Variants in MED27 observed in about 807,000 individuals in gnomAD.
The protein encoded by MED27 is mediator complex subunit 27, also known as mediator of RNA polymerase II transcription subunit 27.
MED27 carries 30 observed loss-of-function variants against 38.2 expected under a neutral mutation model. That is an observed-to-expected ratio of 0.79 (90% CI 0.59 to 1.07). MED27 has a LOEUF of 1.07. Among genes scored for constraint, MED27 ranks in the 50% least tolerant of loss-of-function variants. The probability of loss-of-function intolerance (pLI) is 0.00; values close to 1 mark genes in which losing one functional copy is unlikely to be tolerated. For missense variants in MED27, 289 were observed against 397.5 expected, an observed-to-expected ratio of 0.73 and a Z score of 2.32; for synonymous variants, 122 against 153.5, an observed-to-expected ratio of 0.79 and a Z score of 1.52.
chr9:132,014,855 T>C (rs959486658), intron 2 of MED27, among the ~76,000 whole-genome samples: 1 of 152,222 alleles, frequency 6.6e-6, no homozygotes, highest in Non-Finnish European at 1.5e-5. Context: ...GCTAACTGTA[T>C]TTTTCAGTAG....
chr9:132,053,903 A>T (rs1002728173), intron 2 of MED27, among the ~76,000 whole-genome samples: 2 of 152,004 alleles, frequency 1.3e-5, no homozygotes, highest in African/African-American at 4.8e-5. Context: ...ATTGGGAAAA[A>T]ATATATATAA....
rs749607968 is a variant in MED27 at position 131,966,383 on chromosome 9, C to CAAAAAAAAAAAAAAAAAA, written c.480-26910_480-26909insTTTTTTTTTTTTTTTTTT. Among the ~76,000 whole-genome samples the CAAAAAAAAAAAAAAAAAA allele has an allele frequency of 3.1e-3, 114 of 36,726 alleles. 14 individuals carry two copies. Among genetic ancestry groups the CAAAAAAAAAAAAAAAAAA allele is most frequent in the Non-Finnish European group, 3.8e-3 (89 of 23,712 alleles). 24.1% of individuals were successfully genotyped at this position (36,726 alleles called of 152,430 possible). A position where few individuals can be genotyped will look rare whatever the true frequency, so the allele number is the denominator to read the frequency against. On this transcript the variant is annotated intron_variant, in intron 3 of 7. Coordinates refer to ENST00000292035, the MANE Select transcript of MED27 (RefSeq NM_004269.4). The stretch of plus-strand genomic sequence containing the variant: ...CAGGCAAAAGAGCCAGACCCTGTCA[C>CAAAAAAAAAAAAAAAAAA]AAAAAAAAAAAAAAAAAGGAAAGGA...
intron 2 of MED27, among the ~76,000 whole-genome samples, chr9:132,015,762 G>A (rs1453431302): frequency 6.6e-6 from 1 of 152,004 alleles, no homozygotes; most frequent in Admixed American, 6.5e-5. Context: ...CTATACTTTT[G>A]TATTTTAGAT....
intron 4 of MED27, among the ~76,000 whole-genome samples, chr9:131,908,250 G>T (rs1262945217): frequency 2.7e-5 from 4 of 148,350 alleles, no homozygotes; most frequent in Non-Finnish European, 4.5e-5. Context: ...CCGGGAGGGA[G>T]GTGGGGGGGT....
chr9:132,058,054 T>G (rs1472573512), intron 2 of MED27, among the ~76,000 whole-genome samples: 1 of 152,252 alleles, frequency 6.6e-6, no homozygotes, highest in African/African-American at 2.4e-5. Flanking sequence ...AATCCTATTT[T>G]TTTAAAGTTA....
intron 4 of MED27, among the ~76,000 whole-genome samples, chr9:131,925,522 T>C (rs961225750): frequency 6.6e-6 from 1 of 152,188 alleles, no homozygotes; most frequent in Non-Finnish European, 1.5e-5. Flanking sequence ...ATTCTGATAA[T>C]GGAATATTTC....
chr9:132,033,504 C>T (rs1347297216), intron 2 of MED27, among the ~76,000 whole-genome samples: 1 of 152,120 alleles, frequency 6.6e-6, no homozygotes, highest in Non-Finnish European at 1.5e-5. Flanking sequence ...CACCCGCCTC[C>T]CCTTTCACTC....
At chr9:132,057,570 A>G (rs1833608635) in intron 2 of MED27, among the ~76,000 whole-genome samples, 1 of 152,248 alleles carries the variant, frequency 6.6e-6, no homozygotes, top group Non-Finnish European at 1.5e-5. Context: ...ATAATCAGGA[A>G]TAACTTAGTG....
intron 2 of MED27, among the ~76,000 whole-genome samples, chr9:132,049,251 T>C (rs1026318782): frequency 6.6e-6 from 1 of 152,120 alleles, no homozygotes; most frequent in African/African-American, 2.4e-5. Context: ...ACACTAAAGG[T>C]CGGTCTTGGC....
intron 3 of MED27, among the ~76,000 whole-genome samples, chr9:131,969,836 A>G (rs532340467): frequency 7.9e-5 from 12 of 152,358 alleles, no homozygotes; most frequent in African/African-American, 2.6e-4. Context: ...CCTGGAAACC[A>G]GACAAAGCAG....
At chr9:131,943,607 T>C (rs143360876) in intron 3 of MED27, among the ~76,000 whole-genome samples, 105 of 152,300 alleles carry the variant, frequency 6.9e-4, no homozygotes, top group Non-Finnish European at 1.3e-3. Context: ...CTTTGGAATA[T>C]AGGCAAACAA....
intron 3 of MED27, among the ~76,000 whole-genome samples, chr9:131,965,699 C>T (rs777153336): frequency 6.6e-6 from 1 of 152,008 alleles, no homozygotes; most frequent in Non-Finnish European, 1.5e-5. Context: ...GTCTACATGT[C>T]GATTAAAGTC....
intron 2 of MED27, among the ~76,000 whole-genome samples, chr9:132,041,481 G>A (rs989750901): frequency 7.9e-5 from 12 of 152,228 alleles, no homozygotes; most frequent in African/African-American, 2.9e-4. Flanking sequence ...GGGGACTGCA[G>A]TTCTGCCAGA....
chr9:131,972,590 C>A (rs1263022861), intron 3 of MED27, among the ~76,000 whole-genome samples: 2 of 152,198 alleles, frequency 1.3e-5, no homozygotes, highest in Non-Finnish European at 2.9e-5. Flanking sequence ...AGTATTAAAT[C>A]TTTGACTCCA....
intron 6 of MED27, among the ~76,000 whole-genome samples, chr9:131,873,412 G>A (rs574191228): frequency 6.6e-6 from 1 of 152,328 alleles, no homozygotes; most frequent in Admixed American, 6.5e-5. Flanking sequence ...GCGCAGAGAC[G>A]AGCTTCTCAA....
At chr9:131,995,627 T>C (rs1832075216) in intron 3 of MED27, among the ~76,000 whole-genome samples, 2 of 152,228 alleles carry the variant, frequency 1.3e-5, no homozygotes, top group Middle Eastern at 3.4e-3. Flanking sequence ...TTAGTGACAA[T>C]CTTTGAACCA....
At chr9:131,897,855 G>A (rs147094784) in intron 4 of MED27, among the ~76,000 whole-genome samples, 102 of 152,290 alleles carry the variant, frequency 6.7e-4, no homozygotes, top group African/African-American at 2.2e-3. Context: ...AAGTCTGCTC[G>A]TATCAGGATC....
intron 4 of MED27, among the ~76,000 whole-genome samples, chr9:131,894,743 A>C (rs567226756): frequency 6.6e-6 from 1 of 152,216 alleles, no homozygotes; most frequent in East Asian, 1.9e-4. Flanking sequence ...CTTTAGGGAC[A>C]CTATGGTGTG....
At chr9:131,924,186 T>C (rs1830443630) in intron 4 of MED27, among the ~76,000 whole-genome samples, 1 of 152,236 alleles carries the variant, frequency 6.6e-6, no homozygotes, top group Non-Finnish European at 1.5e-5. Flanking sequence ...GAATCTGCAT[T>C]CTCATTAGCA....
Sources: allele counts gnomAD v4.1 joint callset (sites outside exome capture counted in the v4.1 genomes callset), GRCh38; gene constraint gnomAD v4.1.1; transcripts MANE v1.5; gene names NCBI Gene and HGNC (gene_info 2026-07-23, HGNC 2026-07-21).